The following GOLIM4 variants were observed in gnomAD, a reference collection of about 807,000 sequenced individuals.
GOLIM4 encodes 130 kDa golgi-localized phosphoprotein.
GOLIM4 carries 71 observed loss-of-function variants against 107.4 expected under a neutral mutation model. The observed-to-expected ratio is 0.66, with a 90% confidence interval of 0.55 to 0.81. The LOEUF (loss-of-function observed/expected upper bound fraction) is 0.81. Ranked by LOEUF, GOLIM4 falls within the 30% of genes least tolerant of loss-of-function variation. The pLI, the probability that GOLIM4 is intolerant of heterozygous loss-of-function variation, is 0.00. For synonymous variants in GOLIM4, 327 were observed against 294.8 expected, an observed-to-expected ratio of 1.11 and a Z score of -1.12; for missense variants, 830 against 826.1, an observed-to-expected ratio of 1.00 and a Z score of -0.06.
At position 168,032,665 on chromosome 3, in the gene GOLIM4, T is replaced by G; in HGVS notation, c.1031A>C (p.Glu344Ala). ...QVEEEHRKAL[E>A]EEEMEQVGQA... ...CCCGACCTGCTCCATTTCTTCCTCC[T>G]CCAGGGCCTTTCTGTGCTCCTCTTC... is the stretch of plus-strand genomic sequence containing the variant. The change falls in exon 9 of 16, where the codon GAG becomes GCG. Residue 344 changes from glutamate to alanine, a missense_variant. Coordinates refer to ENST00000470487, the MANE Select transcript of GOLIM4 (RefSeq NM_014498.5). 2 of 1,614,046 alleles carry G rather than the reference T, an allele frequency of 1.2e-6. No homozygotes were observed. The highest frequency in any genetic ancestry group is 1.7e-6 in the Non-Finnish European group (2 of 1,180,010).
intron 1 of GOLIM4, among the ~76,000 whole-genome samples, chr3:168,089,694 T>C (rs1721798781): frequency 6.6e-6 from 1 of 151,576 alleles, no homozygotes. Context: ...AAGTACTACA[T>C]AGGTACTACC....
intron 1 of GOLIM4, among the ~76,000 whole-genome samples, chr3:168,083,745 T>C (rs1721485371): frequency 6.6e-6 from 1 of 152,300 alleles, no homozygotes; most frequent in Admixed American, 6.5e-5. Flanking sequence ...TTGCCAACAA[T>C]GACAATAATA....
intron 7 of GOLIM4, among the ~76,000 whole-genome samples, chr3:168,037,235 C>T (rs1239419846): frequency 6.6e-6 from 1 of 152,020 alleles, no homozygotes; most frequent in African/African-American, 2.4e-5. Flanking sequence ...ATGTTAGTTT[C>T]CCATACTACA....
At chr3:168,047,028 T>G in intron 2 of GOLIM4, 29 bp from the exon 3 acceptor site, 1 of 1,049,982 alleles carries the variant, frequency 9.5e-7, no homozygotes, top group Non-Finnish European at 1.4e-6. Flanking sequence ...AAAAAAACAG[T>G]GATAATTCAC....
chr3:168,041,469 C>G lies in GOLIM4; in HGVS notation c.523G>C (p.Val175Leu). ...CTATTCTCTTCTCTCAAATTGTATA[C>G]AGTCTCTATTTTAGAAAAAGAAGGA... The part of the protein sequence containing the change: ...EQELSKLKET[V>L]YNLREENRQL... The change falls in exon 6 of 16, where the codon GTA becomes CTA. Residue 175 changes from valine to leucine, a missense_variant. Val to Leu is a conservative substitution (Grantham distance 32). Coordinates refer to ENST00000470487, the MANE Select transcript of GOLIM4 (RefSeq NM_014498.5). The G allele has an allele frequency of 6.7e-7, 1 of 1,481,922 alleles. No individual in the cohort carries two copies. Among genetic ancestry groups the G allele is most frequent in the Non-Finnish European group, 9.4e-7 (1 of 1,062,858 alleles). The allele number at this position is 1,481,922 out of a possible 1,614,324, so 91.8% of individuals were successfully genotyped here.
intron 8 of GOLIM4, among the ~76,000 whole-genome samples, chr3:168,036,279 G>A (rs922514316): frequency 9.2e-5 from 14 of 152,212 alleles, no homozygotes; most frequent in African/African-American, 3.4e-4. Flanking sequence ...GGTGGCTCAC[G>A]CCTATAATCC....
chr3:168,079,278 G>C (rs1187143229), intron 1 of GOLIM4, among the ~76,000 whole-genome samples: 1 of 152,154 alleles, frequency 6.6e-6, no homozygotes, highest in African/African-American at 2.4e-5. Context: ...ACATGTAACA[G>C]TCTGGATGGA....
chr3:168,060,067 T>A lies in GOLIM4; in HGVS notation c.188-11702A>T, dbSNP rs370785440. Among the ~76,000 whole-genome samples, 388 of 151,810 alleles carry A rather than the reference T, an allele frequency of 2.6e-3. 2 individuals are homozygous for A. The highest frequency in any genetic ancestry group is 8.9e-3 in the African/African-American group (370 of 41,370). Reference sequence around the variant, plus strand: ...ACAGAGCCCACTGAGAACTTGGGATTTTACTCTTGGAGAAATTGGGAACCA... The same window carrying A: ...ACAGAGCCCACTGAGAACTTGGGATATTACTCTTGGAGAAATTGGGAACCA... On this transcript the variant is annotated intron_variant, in intron 1 of 15. Coordinates refer to ENST00000470487, the MANE Select transcript of GOLIM4 (RefSeq NM_014498.5).
intron 12 of GOLIM4, among the ~76,000 whole-genome samples, 168 bp from the exon 13 acceptor site, chr3:168,025,263 A>G (rs1717933672): frequency 6.6e-6 from 1 of 152,258 alleles, no homozygotes; most frequent in Non-Finnish European, 1.5e-5. Context: ...GTCAAAAGAG[A>G]AAACTCCTGC....
At chr3:168,046,395 C>G (rs1719305837) in intron 3 of GOLIM4, among the ~76,000 whole-genome samples, 1 of 152,128 alleles carries the variant, frequency 6.6e-6, no homozygotes, top group African/African-American at 2.4e-5. Context: ...GGAAGGTCAG[C>G]AGATAAACAA....
chr3:168,046,844 G>T, intron 3 of GOLIM4, 106 bp downstream of exon 3: 1 of 560,126 alleles, frequency 1.8e-6, no homozygotes, highest in Non-Finnish European at 3.0e-6. Flanking sequence ...TATAATCCCA[G>T]GGATCAAAAA....
At chr3:168,038,524 C>A (rs1474842243) in intron 7 of GOLIM4, among the ~76,000 whole-genome samples, 1 of 152,172 alleles carries the variant, frequency 6.6e-6, no homozygotes, top group Non-Finnish European at 1.5e-5. Context: ...TGAGCTTCAA[C>A]CTTGGTTCTG....
intron 1 of GOLIM4, among the ~76,000 whole-genome samples, chr3:168,055,172 G>T (rs988925121): frequency 6.6e-6 from 1 of 152,110 alleles, no homozygotes; most frequent in African/African-American, 2.4e-5. Context: ...ATGTAGAAAT[G>T]ACTTTGGAAC....
intron 1 of GOLIM4, among the ~76,000 whole-genome samples, chr3:168,067,703 A>G (rs1184650503): frequency 6.6e-6 from 1 of 150,618 alleles, no homozygotes; most frequent in Non-Finnish European, 1.5e-5. Context: ...ATATAAATGA[A>G]TGAATGAATA....
chr3:168,064,443 T>C (rs1720436534), intron 1 of GOLIM4, among the ~76,000 whole-genome samples: 2 of 152,216 alleles, frequency 1.3e-5, no homozygotes, highest in South Asian at 4.1e-4. Context: ...AAAGTGTTAA[T>C]GGTTACATAC....
At chr3:168,071,513 G>A (rs1276173240) in intron 1 of GOLIM4, among the ~76,000 whole-genome samples, 1 of 151,868 alleles carries the variant, frequency 6.6e-6, no homozygotes, top group Non-Finnish European at 1.5e-5. Context: ...TTGATGATAG[G>A]TGGAAACTGT....
chr3:168,050,822 TATAATAATA>T (rs140084468), intron 1 of GOLIM4, among the ~76,000 whole-genome samples: 7,696 of 136,246 alleles, frequency 0.056, 276 homozygotes, highest in Non-Finnish European at 0.071. Context: ...TAGCAACACC[TATAATAATA>T]ATAATAATAA....
intron 1 of GOLIM4, among the ~76,000 whole-genome samples, chr3:168,060,856 A>C (rs1416699270): frequency 2.6e-5 from 4 of 152,136 alleles, no homozygotes; most frequent in Non-Finnish European, 5.9e-5. Context: ...GGATTGATGG[A>C]AAGGTGGATA....
At position 168,030,041 on chromosome 3, in the gene GOLIM4, G is replaced by A. The variant is rs116300276; in HGVS notation, c.1177-5C>T. The A allele has an allele frequency of 2.4e-3, 3,914 of 1,613,156 alleles. 63 individuals carry two copies. The African/African-American group carries it at 0.038, about 16-fold the overall frequency. ...TGGCTTGGCTGAAGGGTACACCTAG[G>A]GTGAAAAAGAGTTGGTGCAGAGCAA... is the stretch of plus-strand genomic sequence containing the variant. On this transcript the variant is annotated splice_polypyrimidine_tract_variant and splice_region_variant and intron_variant, in intron 9 of 15. Coordinates refer to ENST00000470487, the MANE Select transcript of GOLIM4 (RefSeq NM_014498.5).
Sources: allele counts gnomAD v4.1 joint callset (sites outside exome capture counted in the v4.1 genomes callset), GRCh38; gene constraint gnomAD v4.1.1; transcripts MANE v1.5; gene names NCBI Gene and HGNC (gene_info 2026-07-23, HGNC 2026-07-21).